Variants in PTPRG observed in about 807,000 individuals in gnomAD.
PTPRG encodes the protein protein tyrosine phosphatase receptor type G.
A neutral mutation model predicts 165.3 loss-of-function variants in PTPRG; 102 were observed. The observed-to-expected ratio is 0.62, with a 90% CI of 0.53 to 0.73. The LOEUF (loss-of-function observed/expected upper bound fraction) is 0.73, where lower values mean the gene tolerates loss of function less well. PTPRG is among the 30% of genes least tolerant of loss of function. The pLI is 0.00. For missense variants in PTPRG, 1,866 were observed against 1,861.4 expected (o/e 1.00, Z -0.05); for synonymous variants, 675 against 669.5 (o/e 1.01, Z -0.13).
chr3:61,698,958 G>A (rs982355543), intron 1 of PTPRG, among the ~76,000 whole-genome samples: 2 of 151,820 alleles, frequency 1.3e-5, no homozygotes, highest in African/African-American at 4.8e-5. Flanking sequence ...TCATAGGTGG[G>A]AAATTGAACA....
chr3:61,621,051 A>ATATATATATATATGTGTGTGTGTGTGTG, intron 1 of PTPRG, among the ~76,000 whole-genome samples: 1,478 of 117,268 alleles, frequency 0.013, 22 homozygotes, highest in Non-Finnish European at 0.019. Context: ...ATATATATAT[A>ATATATATATATATGTGTGTGTGTGTGTG]TGTGTGTGTG....
intron 1 of PTPRG, among the ~76,000 whole-genome samples, chr3:61,633,594 C>G (rs1412732616): frequency 6.6e-6 from 1 of 152,048 alleles, no homozygotes; most frequent in African/African-American, 2.4e-5. Context: ...TTGTGGATTC[C>G]TTAAGATTTT....
At chr3:62,236,180 A>G (rs1224631517) in intron 14 of PTPRG, among the ~76,000 whole-genome samples, 1 of 152,214 alleles carries the variant, frequency 6.6e-6, no homozygotes, top group African/African-American at 2.4e-5. Flanking sequence ...TCAACTTAGA[A>G]CTTACATTGG....
chr3:61,590,003 G>A (rs1286801919), intron 1 of PTPRG, among the ~76,000 whole-genome samples: 1 of 152,142 alleles, frequency 6.6e-6, no homozygotes, highest in East Asian at 1.9e-4. Flanking sequence ...CTAGGAGCCA[G>A]AGGGTTTCAG....
chr3:61,856,369 G>A (rs2037106165), intron 2 of PTPRG, among the ~76,000 whole-genome samples: 1 of 151,942 alleles, frequency 6.6e-6, no homozygotes, highest in Admixed American at 6.6e-5. Context: ...ATTTTACAAG[G>A]TATTTTAGAA....
At chr3:61,896,886 C>T (rs966618071) in intron 2 of PTPRG, among the ~76,000 whole-genome samples, 12 of 151,340 alleles carry the variant, frequency 7.9e-5, no homozygotes, top group East Asian at 5.8e-4. Flanking sequence ...CTATTCGTGT[C>T]TTCTGCCGAT....
Position 61,593,414 on chromosome 3 carries a change from AAAC to A in PTPRG, c.85+31043_85+31045del, listed in dbSNP as rs772957729. Among the ~76,000 whole-genome samples, 117 of 147,428 alleles carry A rather than the reference AAAC, an allele frequency of 7.9e-4. 1 individual carries two copies. In the South Asian group the frequency reaches 0.013, roughly 16 times the overall value. Reference sequence around the variant, plus strand: ...ATAATGAATTGGAAAAAAAAAAAAAAAACCAACCACAAAAGATGGTCCAGGTTT... The same window carrying A: ...ATAATGAATTGGAAAAAAAAAAAAAACAACCACAAAAGATGGTCCAGGTTT... On this transcript the variant is annotated intron_variant, in intron 1 of 29. Coordinates refer to ENST00000474889, the MANE Select transcript of PTPRG (RefSeq NM_002841.4).
intron 2 of PTPRG, among the ~76,000 whole-genome samples, chr3:61,919,821 C>T (rs553370243): frequency 6.6e-6 from 1 of 152,262 alleles, no homozygotes; most frequent in South Asian, 2.1e-4. Flanking sequence ...TTACATGTGC[C>T]TTCCCTCACC....
chr3:62,291,172 A>C (rs945174997), intron 28 of PTPRG, among the ~76,000 whole-genome samples: 1 of 152,156 alleles, frequency 6.6e-6, no homozygotes, highest in Non-Finnish European at 1.5e-5. Flanking sequence ...AACCCTAGTA[A>C]GATACAGTCT....
chr3:62,032,052 G>T (rs1252175631), intron 4 of PTPRG, among the ~76,000 whole-genome samples: 2 of 152,210 alleles, frequency 1.3e-5, no homozygotes, highest in Non-Finnish European at 2.9e-5. Context: ...ATGCCTTAGG[G>T]CTAATGAGAA....
At chr3:62,069,856 C>G (rs952084659) in intron 4 of PTPRG, among the ~76,000 whole-genome samples, 1 of 152,134 alleles carries the variant, frequency 6.6e-6, no homozygotes, top group African/African-American at 2.4e-5. Flanking sequence ...GAATTCCCTC[C>G]TCTTAAAAAG....
intron 1 of PTPRG, chr3:61,743,158 T>C: frequency 1.0e-6 from 1 of 958,234 alleles, no homozygotes; most frequent in East Asian, 2.6e-5. Flanking sequence ...AATATTTTTA[T>C]CTTTTTTTGC....
At chr3:61,711,759 G>A (rs887071344) in intron 1 of PTPRG, among the ~76,000 whole-genome samples, 3 of 152,198 alleles carry the variant, frequency 2.0e-5, no homozygotes, top group Admixed American at 2.0e-4. Flanking sequence ...CTTTACTTGC[G>A]TATCATTCAG....
chr3:62,078,655 T>C (rs917614751), intron 5 of PTPRG, among the ~76,000 whole-genome samples: 1 of 152,174 alleles, frequency 6.6e-6, no homozygotes, highest in African/African-American at 2.4e-5. Context: ...TCCGTCACTT[T>C]TCTAAAGAGA....
intron 6 of PTPRG, among the ~76,000 whole-genome samples, chr3:62,140,944 C>G (rs1313790351): frequency 6.7e-6 from 1 of 150,196 alleles, no homozygotes. Context: ...AAAAATCTTT[C>G]TCTATCTTGA....
intron 4 of PTPRG, among the ~76,000 whole-genome samples, chr3:62,066,188 C>A (rs1701007736): frequency 6.6e-6 from 1 of 152,072 alleles, no homozygotes; most frequent in South Asian, 2.1e-4. Flanking sequence ...TCATCATTTC[C>A]CCGAAAACAT....
At chr3:61,710,757 T>C (rs936525123) in intron 1 of PTPRG, among the ~76,000 whole-genome samples, 3 of 152,124 alleles carry the variant, frequency 2.0e-5, no homozygotes, top group Non-Finnish European at 4.4e-5. Flanking sequence ...TCATATAGTT[T>C]TCTCTTTACT....
chr3:61,730,517 TTTG>T (rs1427387128), intron 1 of PTPRG, among the ~76,000 whole-genome samples: 1 of 152,190 alleles, frequency 6.6e-6, no homozygotes, highest in African/African-American at 2.4e-5. Flanking sequence ...CAGAAAGTAG[TTTG>T]TTAACCACTT....
At chr3:62,128,645 A>T (rs1473761067) in intron 5 of PTPRG, among the ~76,000 whole-genome samples, 6 of 150,858 alleles carry the variant, frequency 4.0e-5, no homozygotes, top group African/African-American at 1.2e-4. Flanking sequence ...CTGTATCCCC[A>T]TTTCACAGAC....
Sources: gnomAD v4.1 joint callset for allele counts (sites outside exome capture counted in the v4.1 genomes callset) on GRCh38, gnomAD v4.1.1 for gene constraint, MANE v1.5 for transcripts, NCBI Gene and HGNC (gene_info 2026-07-23, HGNC 2026-07-21) for gene names.